Variants in RFPL1 observed in about 807,000 individuals in gnomAD.
The protein encoded by RFPL1 is ret finger protein-like 1.
In RFPL1, 6 loss-of-function variants were observed where a neutral mutation model predicts 9.6. That is an observed-to-expected ratio of 0.62 (90% CI 0.34 to 1.23). The LOEUF is 1.23. RFPL1 is among the 50% of genes most tolerant of loss of function. RFPL1 has a pLI of 0.03. For synonymous variants in RFPL1, 145 were observed against 149.4 expected (o/e 0.97, Z 0.22); for missense variants, 352 against 398.4 (o/e 0.88, Z 0.99).
At chr22:29,403,646 GATAA>G in the RFPL1 span, among the ~76,000 whole-genome samples, 1 of 152,164 alleles carries the variant, frequency 6.6e-6, no homozygotes, top group Non-Finnish European at 1.5e-5. Flanking sequence ...GTAATAAAGT[GATAA>G]ATAGAGAAGT....
chr22:29,438,912 C>G, exon 1 of RFPL1: 1 of 1,614,016 alleles, frequency 6.2e-7, no homozygotes, highest in Non-Finnish European at 8.5e-7. Context: ...AAGCAGCTGT[C>G]CCGTCTGCTC....
At chr22:29,416,576 C>G in the RFPL1 span, among the ~76,000 whole-genome samples, 1 of 152,192 alleles carries the variant, frequency 6.6e-6, no homozygotes, top group Non-Finnish European at 1.5e-5. Flanking sequence ...TCCTTTCTCC[C>G]TCTCTGATAC....
chr22:29,388,615 G>A, the RFPL1 span: 2 of 152,304 alleles, frequency 1.3e-5, no homozygotes, highest in Admixed American at 1.3e-4. Context: ...CTGAAGGCGG[G>A]GTCAAGGGTA....
chr22:29,416,059 T>C, the RFPL1 span, among the ~76,000 whole-genome samples: 1 of 152,172 alleles, frequency 6.6e-6, no homozygotes, highest in African/African-American at 2.4e-5. Flanking sequence ...AGATTGGGGT[T>C]ACCACAACCC....
chr22:29,438,886 C>T (rs1347900092), exon 1 of RFPL1: 47 of 1,613,996 alleles, frequency 2.9e-5, no homozygotes, highest in Non-Finnish European at 3.9e-5. Flanking sequence ...GACATGGCTG[C>T]ACTCTTCCAA....
At chr22:29,414,462 G>A in the RFPL1 span, among the ~76,000 whole-genome samples, 1 of 152,078 alleles carries the variant, frequency 6.6e-6, no homozygotes, top group South Asian at 2.1e-4. Flanking sequence ...GGTATAGATG[G>A]CTTTTTTTTT....
At chr22:29,419,172 G>C in the RFPL1 span, 136,458 of 1,606,226 alleles carry the variant, frequency 0.085, 6,420 homozygotes, top group African/African-American at 0.15. Flanking sequence ...CTTTGCCCAC[G>C]GTCATCGATG....
the RFPL1 span, among the ~76,000 whole-genome samples, chr22:29,410,613 C>CTATATATAGATAGATATATTGTAGATA: frequency 2.4e-5 from 3 of 127,082 alleles, no homozygotes; most frequent in African/African-American, 9.1e-5. Context: ...ATAGATATAT[C>CTATATATAGATAGATATATTGTAGATA]TATCTATATA....
the RFPL1 span, among the ~76,000 whole-genome samples, chr22:29,399,440 T>A: frequency 2.0e-5 from 3 of 152,212 alleles, no homozygotes; most frequent in Non-Finnish European, 2.9e-5. Flanking sequence ...TCCATAAGAA[T>A]CATCCAAAAT....
the RFPL1 span, among the ~76,000 whole-genome samples, chr22:29,417,970 C>T: frequency 6.3e-5 from 9 of 143,646 alleles, no homozygotes; most frequent in African/African-American, 7.9e-5. Context: ...GAGGGAGTCT[C>T]GCTCTGTCAT....
the RFPL1 span, among the ~76,000 whole-genome samples, chr22:29,402,524 C>T: frequency 2.0e-4 from 31 of 152,176 alleles, no homozygotes; most frequent in African/African-American, 6.7e-4. Flanking sequence ...TGTGATGTGT[C>T]CTAGGGTTTC....
At chr22:29,409,048 C>T in the RFPL1 span, among the ~76,000 whole-genome samples, 4 of 151,950 alleles carry the variant, frequency 2.6e-5, no homozygotes, top group Admixed American at 6.6e-5. Flanking sequence ...GAAAGCCCAG[C>T]GTCAAGTCTG....
chr22:29,414,224 A>C, the RFPL1 span, among the ~76,000 whole-genome samples: 33,368 of 78,212 alleles, frequency 0.43, 5,706 homozygotes, highest in African/African-American at 0.63. Flanking sequence ...TTGCACCCCC[A>C]ATTTTTTCTT....
At chr22:29,390,551 A>G in the RFPL1 span, among the ~76,000 whole-genome samples, 1 of 150,902 alleles carries the variant, frequency 6.6e-6, no homozygotes, top group Non-Finnish European at 1.5e-5. Flanking sequence ...TTGGTAAAAT[A>G]CCGTTATCTA....
chr22:29,441,806 G>T (rs779087751), exon 2 of RFPL1: 5 of 1,613,842 alleles, frequency 3.1e-6, no homozygotes, highest in Non-Finnish European at 4.2e-6. Context: ...ACCACAGAGC[G>T]TGGATTCTGG....
intron 1 of RFPL1, 80 bp from the exon 2 acceptor site, chr22:29,441,462 T>C: frequency 1.4e-6 from 2 of 1,457,960 alleles, no homozygotes; most frequent in Non-Finnish European, 1.9e-6. Flanking sequence ...AGTCAAGAGA[T>C]ATTTGGGCCT....
upstream of RFPL1, chr22:29,434,797 T>A (rs2062801174): frequency 6.6e-6 from 1 of 152,414 alleles, no homozygotes; most frequent in Non-Finnish European, 1.5e-5. Flanking sequence ...GGGTAGGCAT[T>A]TTCCTGGATA....
At chr22:29,415,600 G>A in the RFPL1 span, among the ~76,000 whole-genome samples, 2 of 152,248 alleles carry the variant, frequency 1.3e-5, no homozygotes, top group Non-Finnish European at 2.9e-5. Context: ...ACCAAGAAAT[G>A]TAGCAGGATG....
At chr22:29,425,727 G>A in the RFPL1 span, among the ~76,000 whole-genome samples, 1 of 152,078 alleles carries the variant, frequency 6.6e-6, no homozygotes, top group Admixed American at 6.6e-5. Context: ...AGCACTTTGG[G>A]AGGCCGCGGT....
Sources: gnomAD v4.1 joint callset for allele counts (sites outside exome capture counted in the v4.1 genomes callset) on GRCh38, gnomAD v4.1.1 for gene constraint, MANE v1.5 for transcripts, NCBI Gene and HGNC (gene_info 2026-07-23, HGNC 2026-07-21) for gene names.